Variants in ANK3 observed in about 807,000 individuals in gnomAD.
The protein encoded by ANK3 is ankyrin-3.
ANK3 carries 57 observed loss-of-function variants against 370.9 expected under a neutral mutation model. That is an observed-to-expected ratio of 0.15 (90% CI 0.12 to 0.19). The LOEUF is 0.19. ANK3 is among the 10% of genes least tolerant of loss of function. ANK3 has a pLI of 1.00. For missense variants in ANK3, 4,439 were observed against 5,302.1 expected (o/e 0.84, Z 5.06); for synonymous variants, 1,929 against 1,946.3 (o/e 0.99, Z 0.23).
chr10:60,074,542 A>C lies in ANK3; in HGVS notation c.6339T>G (p.Asp2113Glu), dbSNP rs761079561. The change falls in exon 37 of 44, where the codon GAT (aspartate) becomes GAG (glutamate). Residue 2113 changes from aspartate to glutamate, a missense_variant. By Grantham distance (45) the Asp-to-Glu change is conservative. Coordinates refer to ENST00000280772, the MANE Select transcript of ANK3 (RefSeq NM_020987.5). Reference sequence around the variant, plus strand: ...TATCTTGGTCGTGTTGAGAAAAGTCATCAGGAGACTCTAAAATAGTATCTG... The same window carrying C: ...TATCTTGGTCGTGTTGAGAAAAGTCCTCAGGAGACTCTAAAATAGTATCTG... ...FGTDTILESP[D>E]DFSQHDQDKS... 1.2e-6 allele frequency: 2 copies of C among 1,614,022 alleles called. 1 individual carries two copies. Among genetic ancestry groups the C allele is most frequent in the South Asian group, 2.2e-5 (2 of 91,012 alleles).
intron 2 of ANK3, among the ~76,000 whole-genome samples, chr10:60,495,491 T>C (rs1237625739): frequency 2.0e-5 from 3 of 152,136 alleles, no homozygotes; most frequent in Non-Finnish European, 2.9e-5. Context: ...TGAGTTCTCA[T>C]TGAAATAATA....
At chr10:60,684,884 TC>T in intron 1 of ANK3, 1 of 1,489,450 alleles carries the variant, frequency 6.7e-7, no homozygotes, top group Non-Finnish European at 9.3e-7. Flanking sequence ...AATCAAGGAG[TC>T]CCTGTACTTA....
At chr10:60,167,801 A>C (rs983982782) in intron 21 of ANK3, among the ~76,000 whole-genome samples, 1 of 152,180 alleles carries the variant, frequency 6.6e-6, no homozygotes, top group Non-Finnish European at 1.5e-5. Context: ...AGTTTCTTAG[A>C]GATAATACTT....
chr10:60,326,951 C>T (rs2050043670), intron 1 of ANK3, among the ~76,000 whole-genome samples: 2 of 150,932 alleles, frequency 1.3e-5, no homozygotes, highest in East Asian at 1.9e-4. Flanking sequence ...ACCCAGGAGG[C>T]GGAGCTTGTA....
chr10:60,469,298 T>TAC (rs1446001370), intron 2 of ANK3, among the ~76,000 whole-genome samples: 23 of 147,618 alleles, frequency 1.6e-4, no homozygotes, highest in African/African-American at 2.4e-4. Context: ...TATATATATA[T>TAC]ATATATATAC....
intron 2 of ANK3, among the ~76,000 whole-genome samples, chr10:60,464,495 A>T (rs1435206551): frequency 1.5e-5 from 2 of 133,122 alleles, no homozygotes; most frequent in African/African-American, 5.2e-5. Context: ...CTGTCTCTAT[A>T]AGAACACTCT....
At chr10:60,374,932 T>C (rs987513637) in intron 1 of ANK3, among the ~76,000 whole-genome samples, 1 of 151,950 alleles carries the variant, frequency 6.6e-6, no homozygotes, top group African/African-American at 2.4e-5. Flanking sequence ...AAAATGAGGT[T>C]ACAAAAAAGG....
intron 2 of ANK3, among the ~76,000 whole-genome samples, chr10:60,430,759 T>C (rs2064001347): frequency 6.6e-6 from 1 of 152,124 alleles, no homozygotes; most frequent in Non-Finnish European, 1.5e-5. Flanking sequence ...GGCTAAGTTT[T>C]ATGGAGTTTT....
chr10:60,466,810 A>G (rs1171664905), intron 2 of ANK3, among the ~76,000 whole-genome samples: 1 of 152,214 alleles, frequency 6.6e-6, no homozygotes, highest in Non-Finnish European at 1.5e-5. Context: ...GCCAGAAACT[A>G]AACACCACAT....
intron 1 of ANK3, among the ~76,000 whole-genome samples, chr10:60,701,960 C>A (rs1490377648): frequency 1.3e-5 from 2 of 151,910 alleles, no homozygotes; most frequent in Non-Finnish European, 2.9e-5. Flanking sequence ...AGCAGAAATT[C>A]CTAAAAACAA....
At chr10:60,705,372 A>C (rs1018727224) in intron 1 of ANK3, among the ~76,000 whole-genome samples, 2 of 152,234 alleles carry the variant, frequency 1.3e-5, no homozygotes, top group Non-Finnish European at 2.9e-5. Context: ...AGAGTAACAG[A>C]CACTATATGA....
chr10:60,436,777 T>A (rs764637293), intron 2 of ANK3, among the ~76,000 whole-genome samples: 46 of 152,232 alleles, frequency 3.0e-4, no homozygotes, highest in Non-Finnish European at 5.6e-4. Context: ...TCTGATAATG[T>A]CCCTTGAAGC....
chr10:60,263,262 T>C (rs1387364956), intron 6 of ANK3, among the ~76,000 whole-genome samples: 2 of 152,200 alleles, frequency 1.3e-5, no homozygotes, highest in African/African-American at 4.8e-5. Flanking sequence ...ATGGAAGCTC[T>C]GATGAAAGCA....
intron 2 of ANK3, among the ~76,000 whole-genome samples, chr10:60,588,988 A>G (rs1475214108): frequency 1.3e-5 from 2 of 152,194 alleles, no homozygotes; most frequent in Non-Finnish European, 2.9e-5. Flanking sequence ...GTTGATTAAG[A>G]GACTTAAGCC....
At chr10:60,041,102 G>T (rs142173529) in intron 43 of ANK3, among the ~76,000 whole-genome samples, 158 of 152,052 alleles carry the variant, frequency 1.0e-3, no homozygotes, top group African/African-American at 3.7e-3. Context: ...TTTTTATTTA[G>T]CCATCCTCAC....
Position 60,027,539 on chromosome 10 carries a change from G to A in ANK3, c.*2307C>T, listed in dbSNP as rs1273007682. ...TGGACAGGCAATATATAACATTGCT[G>A]AAAGTCTCTTAGCACTAATTTAATT... On this transcript the variant is annotated 3_prime_UTR_variant, in exon 44 of 44. Transcript: ENST00000280772. The A allele has an allele frequency of 1.3e-5, 2 of 152,050 alleles. No homozygotes were observed. Among genetic ancestry groups the A allele is most frequent in the East Asian group, 3.9e-4 (2 of 5,192 alleles). 9.4% of individuals were successfully genotyped at this position (152,050 alleles called of 1,614,324 possible).
intron 1 of ANK3, among the ~76,000 whole-genome samples, chr10:60,372,360 T>C (rs1465609166): frequency 2.0e-5 from 3 of 152,182 alleles, no homozygotes; most frequent in African/African-American, 4.8e-5. Flanking sequence ...ATTCTAGTTA[T>C]CTCATGATGG....
chr10:60,696,074 C>T (rs1337067249), intron 1 of ANK3, among the ~76,000 whole-genome samples: 1 of 150,850 alleles, frequency 6.6e-6, no homozygotes, highest in South Asian at 2.1e-4. Flanking sequence ...GGGGATATCA[C>T]CACCAATCCC....
intron 42 of ANK3, chr10:60,051,629 A>C: frequency 1.4e-6 from 1 of 701,376 alleles, no homozygotes; most frequent in Non-Finnish European, 1.8e-6. Flanking sequence ...GAGAAGGGAA[A>C]TCAAGAAAGA....
Sources: gnomAD v4.1 joint callset for allele counts (sites outside exome capture counted in the v4.1 genomes callset) on GRCh38, gnomAD v4.1.1 for gene constraint, MANE v1.5 for transcripts, NCBI Gene and HGNC (gene_info 2026-07-23, HGNC 2026-07-21) for gene names.